Variants in MSRA observed in about 807,000 individuals in gnomAD.
MSRA encodes mitochondrial peptide methionine sulfoxide reductase.
Under a neutral mutation model 31.3 loss-of-function variants are expected in MSRA, and 54 were observed. That is an observed-to-expected ratio of 1.73 (90% confidence interval 1.39 to 2.17). MSRA has a LOEUF of 2.17. Ranked by LOEUF, MSRA falls within the 30% of genes most tolerant of loss-of-function variation. The probability of loss-of-function intolerance (pLI) is 0.00; values close to 1 mark genes in which losing one functional copy is unlikely to be tolerated. For missense variants in MSRA, 507 were observed against 300.9 expected (o/e 1.69, Z -5.07); for synonymous variants, 169 against 116.5 (o/e 1.45, Z -2.90).
chr8:10,384,415 C>A lies in MSRA; in HGVS notation c.544-43733C>A, dbSNP rs143216719. Among the ~76,000 whole-genome samples the A allele has an allele frequency of 3.2e-3, 480 of 152,330 alleles. 3 individuals are homozygous for A. Among genetic ancestry groups the A allele is most frequent in the African/African-American group, 0.01 (426 of 41,584 alleles). On this transcript the variant is annotated intron_variant, in intron 5 of 5. Transcript: ENST00000317173. Reference sequence around the variant, plus strand: ...ATAAAGCCCTGATGGTGGTCTGGGCCACACGAAGCCTCTTGAGGTAGCTCC... The same window carrying A: ...ATAAAGCCCTGATGGTGGTCTGGGCAACACGAAGCCTCTTGAGGTAGCTCC...
chr8:10,140,696 G>A (rs1436447440), intron 1 of MSRA, among the ~76,000 whole-genome samples: 1 of 152,090 alleles, frequency 6.6e-6, no homozygotes, highest in Non-Finnish European at 1.5e-5. Context: ...GAAGTTACCA[G>A]TGCACAGGAA....
At chr8:10,176,371 G>C (rs1052315992) in intron 1 of MSRA, among the ~76,000 whole-genome samples, 3 of 152,206 alleles carry the variant, frequency 2.0e-5, no homozygotes, top group Non-Finnish European at 4.4e-5. Flanking sequence ...AAGAAGAATA[G>C]GGCTTAGTTC....
intron 5 of MSRA, among the ~76,000 whole-genome samples, chr8:10,363,697 G>C (rs948499158): frequency 2.8e-5 from 4 of 144,142 alleles, no homozygotes; most frequent in Non-Finnish European, 6.0e-5. Flanking sequence ...TTGAACCCAG[G>C]AGTTTGAGAC....
At chr8:10,139,272 T>G (rs1802506644) in intron 1 of MSRA, among the ~76,000 whole-genome samples, 1 of 152,246 alleles carries the variant, frequency 6.6e-6, no homozygotes. Flanking sequence ...ATAAAAGCAC[T>G]GATTTGAATA....
intron 5 of MSRA, among the ~76,000 whole-genome samples, chr8:10,419,173 G>T (rs982871252): frequency 1.3e-5 from 2 of 152,136 alleles, no homozygotes; most frequent in South Asian, 4.1e-4. Context: ...CCTATACAAG[G>T]TTCTTGTGGA....
At chr8:10,256,165 C>A (rs1798168232) in intron 3 of MSRA, among the ~76,000 whole-genome samples, 1 of 152,174 alleles carries the variant, frequency 6.6e-6, no homozygotes, top group African/African-American at 2.4e-5. Context: ...AACTGCTGAT[C>A]TTTTCGGAGT....
chr8:10,090,734 G>T (rs1032156116), intron 1 of MSRA, among the ~76,000 whole-genome samples: 2 of 152,200 alleles, frequency 1.3e-5, no homozygotes, highest in African/African-American at 4.8e-5. Flanking sequence ...GCTATGTTCT[G>T]TGTCTGTGGA....
At chr8:10,090,251 A>G (rs1798789188) in intron 1 of MSRA, among the ~76,000 whole-genome samples, 1 of 152,194 alleles carries the variant, frequency 6.6e-6, no homozygotes, top group Non-Finnish European at 1.5e-5. Flanking sequence ...GCAGTCCAGG[A>G]GAGCAGAAGC....
chr8:10,167,559 G>A (rs1040365224), intron 1 of MSRA, among the ~76,000 whole-genome samples: 6 of 152,052 alleles, frequency 3.9e-5, no homozygotes, highest in Admixed American at 2.6e-4. Context: ...TAACAATCAC[G>A]CCAGCCAGGA....
intron 5 of MSRA, among the ~76,000 whole-genome samples, chr8:10,375,389 C>T (rs775654809): frequency 2.3e-4 from 35 of 152,198 alleles, no homozygotes; most frequent in Non-Finnish European, 3.2e-4. Context: ...ACCTTCATAT[C>T]GGAGGCATGA....
At chr8:10,291,742 G>C (rs1312812443) in intron 3 of MSRA, among the ~76,000 whole-genome samples, 1 of 152,098 alleles carries the variant, frequency 6.6e-6, no homozygotes, top group Non-Finnish European at 1.5e-5. Flanking sequence ...GTTTGGATAA[G>C]TCTGGCTGGC....
intron 5 of MSRA, among the ~76,000 whole-genome samples, chr8:10,339,776 C>T (rs562568670): frequency 1.4e-5 from 2 of 143,496 alleles, no homozygotes; most frequent in Non-Finnish European, 1.6e-5. Context: ...CTCCTGACCT[C>T]GTGATCCCCC....
chr8:10,207,283 T>C (rs556013575), intron 1 of MSRA, among the ~76,000 whole-genome samples: 3 of 152,330 alleles, frequency 2.0e-5, no homozygotes, highest in African/African-American at 7.2e-5. Flanking sequence ...AATATCTCTC[T>C]GGCTCTTAAG....
At chr8:10,399,075 C>A (rs966263964) in intron 5 of MSRA, among the ~76,000 whole-genome samples, 9 of 152,180 alleles carry the variant, frequency 5.9e-5, no homozygotes, top group African/African-American at 1.9e-4. Flanking sequence ...GCAGCTGCCT[C>A]AACCATGGAA....
chr8:10,381,914 G>T (rs1156360203), intron 5 of MSRA, among the ~76,000 whole-genome samples: 1 of 152,202 alleles, frequency 6.6e-6, no homozygotes, highest in Non-Finnish European at 1.5e-5. Flanking sequence ...TGGGACCCCA[G>T]GGGATTAGAG....
At chr8:10,113,466 A>G (rs1800450155) in intron 1 of MSRA, among the ~76,000 whole-genome samples, 2 of 151,298 alleles carry the variant, frequency 1.3e-5, no homozygotes, top group Non-Finnish European at 2.9e-5. Context: ...GGAGGGTAGG[A>G]GGAGGGGATT....
At chr8:10,284,899 A>G (rs901038439) in intron 3 of MSRA, among the ~76,000 whole-genome samples, 11 of 152,118 alleles carry the variant, frequency 7.2e-5, no homozygotes, top group African/African-American at 1.7e-4. Flanking sequence ...GTTTGCCACT[A>G]TTATTATCAA....
intron 5 of MSRA, among the ~76,000 whole-genome samples, chr8:10,325,901 G>C (rs539100043): frequency 1.2e-4 from 19 of 152,308 alleles, no homozygotes; most frequent in African/African-American, 4.3e-4. Context: ...GTTTAAGGTA[G>C]GGAGGGTCAT....
At chr8:10,366,975 C>T (rs569673993) in intron 5 of MSRA, among the ~76,000 whole-genome samples, 19 of 152,296 alleles carry the variant, frequency 1.2e-4, no homozygotes, top group Admixed American at 9.8e-4. Context: ...CCTTATCCGC[C>T]GTTTCGCTTT....
Sources: allele counts gnomAD v4.1 joint callset (sites outside exome capture counted in the v4.1 genomes callset), GRCh38; gene constraint gnomAD v4.1.1; transcripts MANE v1.5; gene names NCBI Gene and HGNC (gene_info 2026-07-23, HGNC 2026-07-21).